Variants in PLOD1 observed in about 807,000 individuals in gnomAD.
PLOD1 encodes lysine hydroxylase.
Under a neutral mutation model 94.7 loss-of-function variants are expected in PLOD1, and 70 were observed. That is an observed-to-expected ratio of 0.74 (90% CI 0.61 to 0.90). The LOEUF is 0.90. Ranked by LOEUF, PLOD1 falls within the 40% of genes least tolerant of loss-of-function variation. The pLI is 0.00. For missense variants in PLOD1, 905 were observed against 972.7 expected (o/e 0.93, Z 0.93); for synonymous variants, 417 against 400.2 (o/e 1.04, Z -0.50).
Position 11,973,190 on chromosome 1 carries a change from C to G in PLOD1, c.2028+193C>G, listed in dbSNP as rs1009838954. 2.0e-5 allele frequency among the ~76,000 whole-genome samples: 3 copies of G among 152,078 alleles called. No homozygotes were observed. The East Asian group carries it at 5.8e-4, about 29-fold the overall frequency. ...GTCTAGCAGGAGGAGGGGCCAGGCT[C>G]TTAAGCTACTATTTTAAGAGATTTT... On this transcript the variant is annotated intron_variant, in intron 18 of 18. Coordinates refer to ENST00000196061, the MANE Select transcript of PLOD1 (RefSeq NM_000302.4).
At chr1:11,949,197 T>C (rs1204686243) in intron 2 of PLOD1, among the ~76,000 whole-genome samples, 1 of 152,000 alleles carries the variant, frequency 6.6e-6, no homozygotes, top group Admixed American at 6.6e-5. Flanking sequence ...CTGCAGACTG[T>C]TCTGTTTTTC....
chr1:11,962,058 G>A lies in PLOD1; in HGVS notation c.1097+1291G>A, dbSNP rs541460284. 1.5e-3 allele frequency among the ~76,000 whole-genome samples: 226 copies of A among 152,160 alleles called. 1 individual carries two copies. Among genetic ancestry groups the A allele is most frequent in the African/African-American group, 5.2e-3 (217 of 41,520 alleles). ...CCCGCCTTGGCCTCCCTAAGTGCTGGGATTACAGGTGTGAGCCACTGCGCC... is the reference window on the plus strand; with the variant it reads ...CCCGCCTTGGCCTCCCTAAGTGCTGAGATTACAGGTGTGAGCCACTGCGCC... On this transcript the variant is annotated intron_variant, in intron 10 of 18. Coordinates refer to ENST00000196061, the MANE Select transcript of PLOD1 (RefSeq NM_000302.4).
chr1:11,940,147 T>C (rs1246992473), intron 1 of PLOD1, among the ~76,000 whole-genome samples: 1 of 152,180 alleles, frequency 6.6e-6, no homozygotes, highest in Non-Finnish European at 1.5e-5. Context: ...CTCAGCTTCC[T>C]GAGTAGCTGG....
At chr1:11,962,421 T>C (rs938969010) in intron 10 of PLOD1, among the ~76,000 whole-genome samples, 2 of 151,668 alleles carry the variant, frequency 1.3e-5, no homozygotes, top group Non-Finnish European at 2.9e-5. Context: ...TGACTACAGG[T>C]GCCCACCACC....
At position 11,944,449 on chromosome 1, in the gene PLOD1, ACACACT is replaced by A. The variant is rs1432045955; in HGVS notation, c.77-3523_77-3518del. 53 of 948,432 alleles carry A rather than the reference ACACACT, an allele frequency of 5.6e-5. No individual in the cohort carries two copies. The African/African-American group carries it at 6.6e-4, about 12-fold the overall frequency. 58.8% of individuals were successfully genotyped at this position (948,432 alleles called of 1,614,324 possible). On this transcript the variant is annotated intron_variant, in intron 1 of 18. Coordinates refer to ENST00000196061, the MANE Select transcript of PLOD1 (RefSeq NM_000302.4). ...CACACACACACACACACACACACAC[ACACACT>A]CACTCACATGCTCTCACGCTGGCTT...
At chr1:11,960,897 C>T in intron 10 of PLOD1, 130 bp downstream of exon 10, 1 of 1,380,076 alleles carries the variant, frequency 7.2e-7, no homozygotes, top group Non-Finnish European at 9.9e-7. Context: ...CTGCCCCTTT[C>T]TGGGCCTTGG....
chr1:11,960,589 G>A (rs1211728990), intron 9 of PLOD1, 57 bp from the exon 10 acceptor site: 2 of 1,254,816 alleles, frequency 1.6e-6, no homozygotes, highest in Non-Finnish European at 2.3e-6. Flanking sequence ...CAGTCCCTGG[G>A]TGGAAGCTGT....
rs370498584 is a variant in PLOD1, at chr1:11,974,765, C to T, written c.2141C>T (p.Thr714Ile). The change falls in exon 19 of 19, where the codon ACC (threonine) becomes ATC (isoleucine). Residue 714 changes from threonine (T) to isoleucine (I), a missense_variant. Coordinates refer to ENST00000196061, the MANE Select transcript of PLOD1 (RefSeq NM_000302.4). ...LTHYHEGLPT[T>I]RGTRYIAVSF... is the part of the protein sequence containing the mutation. ...CATTACCATGAGGGGCTCCCCACCA[C>T]CAGGGGCACCCGCTACATCGCAGTC... The T allele has an allele frequency of 4.3e-6, 7 of 1,613,990 alleles. No individual in the cohort carries two copies. In the African/African-American group the frequency reaches 9.3e-5, roughly 22 times the overall value.
chr1:11,968,839 C>CTT (rs566417062), intron 16 of PLOD1, among the ~76,000 whole-genome samples: 62 of 124,086 alleles, frequency 5.0e-4, no homozygotes, highest in African/African-American at 1.6e-3. Context: ...TTTCTACGTC[C>CTT]TTTTTTTTTT....
intron 1 of PLOD1, chr1:11,944,639 C>A: frequency 7.3e-7 from 1 of 1,361,116 alleles, no homozygotes; most frequent in Non-Finnish European, 9.8e-7. Context: ...AGCAGCATCC[C>A]TCGTTTCTGG....
Position 11,963,699 on chromosome 1 carries a change from C to G in PLOD1, c.1202+63C>G. 9.6e-7 allele frequency: 1 copy of G among 1,037,150 alleles called. No homozygotes were observed. The highest frequency in any genetic ancestry group is 1.5e-6 in the Non-Finnish European group (1 of 675,900). The allele number at this position is 1,037,150 out of a possible 1,614,324, so 64.2% of individuals were successfully genotyped here. A position where few individuals can be genotyped will look rare whatever the true frequency, so the allele number is the denominator to read the frequency against. ...CTGGCCTGGTCCTGGGGTGGCAGCC[C>G]TCCTTGCCTTCCTCCTCCTCCTCCT... On this transcript the variant is annotated intron_variant, in intron 11 of 18. Coordinates refer to ENST00000196061, the MANE Select transcript of PLOD1 (RefSeq NM_000302.4). The surrounding 1 kb of genome is among the most constrained non-coding windows in gnomAD (Gnocchi z 4.3).
rs533102677 is a variant in PLOD1 at position 11,965,390 on chromosome 1, C to A, written c.1471-90C>A. The A allele has an allele frequency of 6.4e-6, 5 of 781,582 alleles. No individual in the cohort carries two copies. In the African/African-American group the frequency reaches 6.8e-5, roughly 11 times the overall value. 48.4% of individuals were successfully genotyped at this position (781,582 alleles called of 1,614,324 possible). A position where few individuals can be genotyped will look rare whatever the true frequency, so the allele number is the denominator to read the frequency against. ...TCAGTTCGGCGGGTGGAGGAGGCTGCACTGTTGCCCGTCTGGGAGCGTGCA... is the reference window on the plus strand; with the variant it reads ...TCAGTTCGGCGGGTGGAGGAGGCTGAACTGTTGCCCGTCTGGGAGCGTGCA... On this transcript the variant is annotated intron_variant, in intron 13 of 18. Coordinates refer to ENST00000196061, the MANE Select transcript of PLOD1 (RefSeq NM_000302.4).
At chr1:11,965,671 G>C in intron 14 of PLOD1, 78 bp downstream of exon 14, 1 of 894,608 alleles carries the variant, frequency 1.1e-6, no homozygotes, top group Non-Finnish European at 1.9e-6. Flanking sequence ...TTCCCTCTCA[G>C]AGTCTTACAA....
At chr1:11,944,588 C>T (rs1339245040) in intron 1 of PLOD1, 2 of 1,362,060 alleles carry the variant, frequency 1.5e-6, no homozygotes, top group African/African-American at 3.0e-5. Flanking sequence ...AGAGACTTCA[C>T]CGTCCTGGCA....
In PLOD1 at chr1:11,964,278, G is replaced by C. The variant is rs1557495957; in HGVS notation, c.1306G>C (p.Asp436His). 4 of 1,355,860 alleles carry C rather than the reference G, an allele frequency of 3.0e-6. No individual in the cohort carries two copies. The highest frequency in any genetic ancestry group is 3.9e-6 in the Non-Finnish European group (4 of 1,012,914). The allele number at this position is 1,355,860 out of a possible 1,614,324, so 84.0% of individuals were successfully genotyped here. Residue 436 changes from aspartate (D) to histidine (H), a missense_variant, in exon 12 of 19, where the codon GAC (aspartate) becomes CAC (histidine). Asp to His is a moderately conservative substitution (Grantham distance 81). Transcript: ENST00000196061. ...CTATGCCCGTTCCGAGGACTACGTG[G>C]ACATTGTGCAGGGGCGGCGTGTGTG... The part of the protein sequence containing the change: ...GYYARSEDYV[D>H]IVQGRRVGVW...
intron 13 of PLOD1, among the ~76,000 whole-genome samples, 183 bp from the exon 14 acceptor site, chr1:11,965,295 TTA>T (rs1258609543): frequency 2.6e-5 from 4 of 152,152 alleles, no homozygotes; most frequent in Non-Finnish European, 5.9e-5. Context: ...GATCACATTC[TTA>T]GTGTCAGGCC....
At position 11,970,760 on chromosome 1, in the gene PLOD1, C is replaced by G. The variant is rs1557500295; in HGVS notation, c.1846C>G (p.Leu616Val). ...CTTTGAGCGGGAGTGGCACAAATTCCTGCTGGAGTACATTGCGCCCATGAC... is the reference window on the plus strand; with the variant it reads ...CTTTGAGCGGGAGTGGCACAAATTCGTGCTGGAGTACATTGCGCCCATGAC... Reference protein sequence around the residue: ...IGFEREWHKFLLEYIAPMTEK... With the variant: ...IGFEREWHKFVLEYIAPMTEK... The change falls in exon 17 of 19, where the codon CTG becomes GTG. Residue 616 changes from leucine (L) to valine (V), a missense_variant. By Grantham distance (32) the Leu-to-Val change is conservative. Transcript: ENST00000196061. 1 of 1,611,834 alleles carries G rather than the reference C, an allele frequency of 6.2e-7. No homozygotes were observed. The highest frequency in any genetic ancestry group is 1.3e-5 in the African/African-American group (1 of 74,276).
intron 1 of PLOD1, among the ~76,000 whole-genome samples, chr1:11,943,508 G>T (rs1317615644): frequency 1.3e-5 from 2 of 152,044 alleles, no homozygotes; most frequent in Non-Finnish European, 1.5e-5. Context: ...TGTTGACCAG[G>T]CTGCTCTCAA....
Position 11,957,826 on chromosome 1 carries a change from C to T in PLOD1, c.742-16C>T, listed in dbSNP as rs1248953297. The T allele has an allele frequency of 3.8e-6, 6 of 1,596,364 alleles. No homozygotes were observed. Among genetic ancestry groups the T allele is most frequent in the Non-Finnish European group, 5.2e-6 (6 of 1,163,886 alleles). On this transcript the variant is annotated splice_polypyrimidine_tract_variant and intron_variant, in intron 7 of 18. Transcript: ENST00000196061. This position sits in a 1 kb window ranked among gnomAD's most constrained non-coding sequence, Gnocchi z 4.1. ...GGGCTGGCTGGCTTCTCTGTGACCCCACGTCTCCCCGACAGCTGCAGTTGA... is the reference window on the plus strand; with the variant it reads ...GGGCTGGCTGGCTTCTCTGTGACCCTACGTCTCCCCGACAGCTGCAGTTGA...
Sources: gnomAD v4.1 joint callset for allele counts (sites outside exome capture counted in the v4.1 genomes callset) on GRCh38, gnomAD v4.1.1 for gene constraint, Gnocchi (gnomAD v3.1) non-coding constraint, MANE v1.5 for transcripts, NCBI Gene and HGNC (gene_info 2026-07-23, HGNC 2026-07-21) for gene names.